EPHA6: variants seen among roughly 807,000 people sequenced by gnomAD.
EPHA6 encodes EPH receptor A6.
EPHA6 carries 50 observed loss-of-function variants against 112.0 expected under a neutral mutation model. The ratio of observed to expected loss-of-function variants is 0.45; its 90% CI spans 0.36 to 0.56. The LOEUF is 0.56. EPHA6 is among the 20% of genes least tolerant of loss of function. The pLI, the probability that EPHA6 is intolerant of heterozygous loss-of-function variation, is 0.00. For synonymous variants in EPHA6, 529 were observed against 490.7 expected, an observed-to-expected ratio of 1.08 and a Z score of -1.03; for missense variants, 1,280 against 1,417.4, an observed-to-expected ratio of 0.90 and a Z score of 1.56.
chr3:97,538,430 T>C (rs911561652), intron 11 of EPHA6, among the ~76,000 whole-genome samples: 7 of 152,182 alleles, frequency 4.6e-5, no homozygotes, highest in Admixed American at 4.6e-4. Context: ...AATTCTTATT[T>C]GGACATGCTA....
At chr3:97,112,052 A>C (rs1576507992) in intron 3 of EPHA6, among the ~76,000 whole-genome samples, 1 of 152,252 alleles carries the variant, frequency 6.6e-6, no homozygotes, top group East Asian at 1.9e-4. Context: ...CTGTGTTTCC[A>C]AATTGTGTTG....
intron 1 of EPHA6, among the ~76,000 whole-genome samples, chr3:96,848,766 A>C (rs1247830453): frequency 6.6e-6 from 1 of 152,138 alleles, no homozygotes; most frequent in Non-Finnish European, 1.5e-5. Flanking sequence ...ATGCTTAAAA[A>C]ATAAGATGTT....
chr3:97,273,915 G>A (rs963945298), intron 5 of EPHA6, among the ~76,000 whole-genome samples: 1 of 152,148 alleles, frequency 6.6e-6, no homozygotes, highest in Non-Finnish European at 1.5e-5. Flanking sequence ...CTGACTCGGG[G>A]CATGTGAGTA....
chr3:97,498,928 C>T (rs1213899483), intron 10 of EPHA6, among the ~76,000 whole-genome samples: 1 of 152,200 alleles, frequency 6.6e-6, no homozygotes, highest in Admixed American at 6.5e-5. Context: ...GGGACCTCCA[C>T]TCTATAAGAT....
intron 13 of EPHA6, among the ~76,000 whole-genome samples, chr3:97,618,606 A>G (rs2093785986): frequency 6.6e-6 from 1 of 152,136 alleles, no homozygotes; most frequent in Non-Finnish European, 1.5e-5. Context: ...CAGAAATACA[A>G]GCAACGATCA....
intron 2 of EPHA6, among the ~76,000 whole-genome samples, chr3:96,873,976 G>T (rs984274605): frequency 6.6e-6 from 1 of 152,026 alleles, no homozygotes; most frequent in Non-Finnish European, 1.5e-5. Context: ...GACCTGAGAA[G>T]AGTTTCAGAA....
chr3:97,201,929 A>G (rs1301973284), intron 3 of EPHA6, among the ~76,000 whole-genome samples: 1 of 152,038 alleles, frequency 6.6e-6, no homozygotes, highest in East Asian at 1.9e-4. Flanking sequence ...CCAGCTCATA[A>G]TTTTTGATTG....
intron 5 of EPHA6, among the ~76,000 whole-genome samples, chr3:97,368,064 A>G (rs2084840686): frequency 1.3e-5 from 2 of 152,138 alleles, no homozygotes; most frequent in Admixed American, 1.3e-4. Context: ...CATGTTCTTT[A>G]TTTGACAACA....
At position 97,556,046 on chromosome 3, in the gene EPHA6, C is replaced by A. The variant is rs1385138175; in HGVS notation, c.2386+23503C>A. ...AGCTAATATTACCCTGTCCTAATCA[C>A]CCCAGGTATAGGAAAACTAGGGCCA... is the stretch of plus-strand genomic sequence containing the variant. On this transcript the variant is annotated intron_variant, in intron 11 of 17. Coordinates refer to ENST00000389672, the MANE Select transcript of EPHA6 (RefSeq NM_001080448.3). Among the ~76,000 whole-genome samples the A allele has an allele frequency of 2.6e-5, 4 of 152,042 alleles. No homozygotes were observed. In the East Asian group the frequency reaches 5.8e-4, roughly 22 times the overall value.
intron 2 of EPHA6, among the ~76,000 whole-genome samples, chr3:96,977,384 G>T (rs753601024): frequency 5.3e-5 from 8 of 152,066 alleles, no homozygotes; most frequent in Non-Finnish European, 1.0e-4. Flanking sequence ...GGGTAAAAGG[G>T]GGGTGGATGA....
chr3:97,280,213 T>C (rs185089156), intron 5 of EPHA6, among the ~76,000 whole-genome samples: 2 of 152,336 alleles, frequency 1.3e-5, no homozygotes, highest in Admixed American at 6.5e-5. Context: ...AACTGACAGA[T>C]GAAATTGTAA....
At chr3:97,065,043 A>G (rs2046135076) in intron 3 of EPHA6, among the ~76,000 whole-genome samples, 1 of 152,176 alleles carries the variant, frequency 6.6e-6, no homozygotes. Flanking sequence ...TGCTGCCGAT[A>G]GAAAATATAT....
At chr3:97,129,259 G>T (rs144435968) in intron 3 of EPHA6, among the ~76,000 whole-genome samples, 1,970 of 152,142 alleles carry the variant, frequency 0.013, 28 homozygotes, top group African/African-American at 0.044. Context: ...CAGCACTTTG[G>T]GAGGCGGAGG....
chr3:97,405,867 T>C (rs1205710745), intron 6 of EPHA6, among the ~76,000 whole-genome samples: 2 of 152,116 alleles, frequency 1.3e-5, no homozygotes, highest in South Asian at 2.1e-4. Flanking sequence ...TTGTCATACA[T>C]TAGTATATTT....
chr3:97,622,977 G>A (rs192024842), intron 13 of EPHA6, among the ~76,000 whole-genome samples: 1 of 151,358 alleles, frequency 6.6e-6, no homozygotes, highest in Non-Finnish European at 1.5e-5. Context: ...TGAATTTTAG[G>A]AGTTCTCTAT....
Position 97,190,441 on chromosome 3 carries a change from C to T in EPHA6, c.1115-35823C>T, listed in dbSNP as rs2077271003. On this transcript the variant is annotated intron_variant, in intron 3 of 17. Coordinates refer to ENST00000389672, the MANE Select transcript of EPHA6 (RefSeq NM_001080448.3). ...AGTGGGATAATTCTGAGGTGCATGC[C>T]ACTCTTACTGTCATAATTTCCCCAG... is the stretch of plus-strand genomic sequence containing the variant. Among the ~76,000 whole-genome samples the T allele has an allele frequency of 2.6e-5, 4 of 152,100 alleles. No individual in the cohort carries two copies. The South Asian group carries it at 8.3e-4, about 32-fold the overall frequency.
intron 3 of EPHA6, among the ~76,000 whole-genome samples, chr3:97,039,909 G>A (rs868012929): frequency 2.0e-4 from 31 of 151,978 alleles, no homozygotes; most frequent in African/African-American, 6.7e-4. Flanking sequence ...TTCAATAAAA[G>A]TGCAGAAGAC....
chr3:97,547,654 C>G (rs2092972456), intron 11 of EPHA6, among the ~76,000 whole-genome samples: 1 of 152,188 alleles, frequency 6.6e-6, no homozygotes, highest in Admixed American at 6.5e-5. Flanking sequence ...TGCCCTGCCC[C>G]CAGAGGTGGA....
chr3:97,600,273 A>C (rs1041272382), intron 12 of EPHA6, among the ~76,000 whole-genome samples: 1 of 148,850 alleles, frequency 6.7e-6, no homozygotes, highest in African/African-American at 2.5e-5. Context: ...TCTCCTGCCT[A>C]ATTGCCCTGG....
Sources: allele counts gnomAD v4.1 joint callset (sites outside exome capture counted in the v4.1 genomes callset), GRCh38; gene constraint gnomAD v4.1.1; transcripts MANE v1.5; gene names NCBI Gene and HGNC (gene_info 2026-07-23, HGNC 2026-07-21).